ST6GALNAC3: variants seen among roughly 807,000 people sequenced by gnomAD.
ST6GALNAC3 encodes ST6 N-acetylgalactosaminide alpha-2,6-sialyltransferase 3.
In ST6GALNAC3, 25 loss-of-function variants were observed where a neutral mutation model predicts 32.7. That is an observed-to-expected ratio of 0.76 (90% CI 0.56 to 1.07). The LOEUF is 1.07. Ranked by LOEUF, ST6GALNAC3 falls within the 50% of genes least tolerant of loss-of-function variation. The pLI, the probability that ST6GALNAC3 is intolerant of heterozygous loss-of-function variation, is 0.00. For synonymous variants in ST6GALNAC3, 129 were observed against 133.1 expected (o/e 0.97, Z 0.21); for missense variants, 355 against 382.4 (o/e 0.93, Z 0.60).
chr1:76,570,959 G>T (rs1391746562), intron 3 of ST6GALNAC3, among the ~76,000 whole-genome samples: 1 of 151,952 alleles, frequency 6.6e-6, no homozygotes, highest in Non-Finnish European at 1.5e-5. Context: ...CTCTACTTCA[G>T]TACCCTTTTA....
intron 1 of ST6GALNAC3, among the ~76,000 whole-genome samples, chr1:76,237,591 A>C (rs1656729687): frequency 6.6e-6 from 1 of 152,204 alleles, no homozygotes; most frequent in African/African-American, 2.4e-5. Flanking sequence ...TAGTCTAAAA[A>C]TTTGTAAGGT....
At chr1:76,186,545 G>C (rs1391990831) in intron 1 of ST6GALNAC3, among the ~76,000 whole-genome samples, 1 of 152,128 alleles carries the variant, frequency 6.6e-6, no homozygotes, top group Non-Finnish European at 1.5e-5. Flanking sequence ...TGGAGAGCTA[G>C]GGAGTAGTAG....
At chr1:76,204,629 T>C (rs943712963) in intron 1 of ST6GALNAC3, among the ~76,000 whole-genome samples, 5 of 152,202 alleles carry the variant, frequency 3.3e-5, no homozygotes, top group East Asian at 1.9e-4. Context: ...ATTCTGTATA[T>C]TCCTATTGCA....
At chr1:76,147,737 G>A (rs140952920) in intron 1 of ST6GALNAC3, among the ~76,000 whole-genome samples, 509 of 152,262 alleles carry the variant, frequency 3.3e-3, no homozygotes, top group Middle Eastern at 0.014. Context: ...CAATACAGGC[G>A]GAATGAATGA....
chr1:76,524,601 G>T (rs1034683438), intron 3 of ST6GALNAC3, among the ~76,000 whole-genome samples: 1 of 151,922 alleles, frequency 6.6e-6, no homozygotes, highest in Non-Finnish European at 1.5e-5. Flanking sequence ...ATAGATAACT[G>T]CATGAAGTTC....
chr1:76,460,847 A>T (rs556164964), intron 3 of ST6GALNAC3, among the ~76,000 whole-genome samples: 122 of 152,164 alleles, frequency 8.0e-4, no homozygotes, highest in Non-Finnish European at 1.5e-3. Flanking sequence ...TTAGCCTTAT[A>T]ACATGGAGGA....
intron 1 of ST6GALNAC3, among the ~76,000 whole-genome samples, chr1:76,222,701 C>T (rs1184275563): frequency 6.6e-6 from 1 of 151,966 alleles, no homozygotes; most frequent in Non-Finnish European, 1.5e-5. Context: ...AAATAATTTA[C>T]AAGCAAAAAG....
At chr1:76,438,528 T>C (rs554372439) in intron 3 of ST6GALNAC3, among the ~76,000 whole-genome samples, 81 of 152,378 alleles carry the variant, frequency 5.3e-4, no homozygotes, top group African/African-American at 1.6e-3. Context: ...ATCTGTAGGT[T>C]CTGCCTTTCT....
chr1:76,407,429 C>T (rs568182864), intron 2 of ST6GALNAC3, among the ~76,000 whole-genome samples: 70 of 151,960 alleles, frequency 4.6e-4, no homozygotes, highest in South Asian at 8.3e-4. Context: ...AAAAAATAGC[C>T]AAAACAAATA....
At chr1:76,618,079 T>A (rs1233292634) in intron 3 of ST6GALNAC3, among the ~76,000 whole-genome samples, 1 of 152,208 alleles carries the variant, frequency 6.6e-6, no homozygotes, top group African/African-American at 2.4e-5. Context: ...TTCTCTAAAA[T>A]GAACTATGTT....
intron 1 of ST6GALNAC3, among the ~76,000 whole-genome samples, chr1:76,138,750 CA>C (rs1650107106): frequency 6.6e-6 from 1 of 152,044 alleles, no homozygotes; most frequent in Non-Finnish European, 1.5e-5. Flanking sequence ...TTACATTTAC[CA>C]AACAATGCAA....
At chr1:76,469,181 G>C (rs973536236) in intron 3 of ST6GALNAC3, among the ~76,000 whole-genome samples, 1 of 152,036 alleles carries the variant, frequency 6.6e-6, no homozygotes, top group African/African-American at 2.4e-5. Context: ...TCTAACACAA[G>C]ACTGTTGTTG....
intron 3 of ST6GALNAC3, among the ~76,000 whole-genome samples, chr1:76,573,805 C>T (rs569927733): frequency 5.7e-4 from 86 of 152,116 alleles, no homozygotes; most frequent in African/African-American, 1.9e-3. Flanking sequence ...TTTTTATCCT[C>T]TGGCCTTGTA....
chr1:76,470,830 G>A (rs1050444940), intron 3 of ST6GALNAC3, among the ~76,000 whole-genome samples: 9 of 152,058 alleles, frequency 5.9e-5, no homozygotes, highest in South Asian at 4.1e-4. Context: ...AGCACAGGGC[G>A]GGAATTCTTA....
intron 2 of ST6GALNAC3, among the ~76,000 whole-genome samples, chr1:76,368,906 T>G (rs1650596605): frequency 6.6e-6 from 1 of 152,170 alleles, no homozygotes; most frequent in Non-Finnish European, 1.5e-5. Flanking sequence ...ACTAACAACT[T>G]GGTCCACACC....
chr1:76,607,460 G>C (rs1054595647), intron 3 of ST6GALNAC3, among the ~76,000 whole-genome samples: 9 of 152,126 alleles, frequency 5.9e-5, no homozygotes, highest in African/African-American at 2.2e-4. Flanking sequence ...CTGGCAACTA[G>C]CCCTATCCTG....
intron 3 of ST6GALNAC3, among the ~76,000 whole-genome samples, chr1:76,456,160 A>C (rs1657770982): frequency 6.6e-6 from 1 of 152,196 alleles, no homozygotes; most frequent in African/African-American, 2.4e-5. Flanking sequence ...CGACAGAGTG[A>C]AACTCTGTCC....
intron 2 of ST6GALNAC3, among the ~76,000 whole-genome samples, chr1:76,383,792 A>C (rs1651897572): frequency 6.6e-6 from 1 of 152,224 alleles, no homozygotes; most frequent in African/African-American, 2.4e-5. Context: ...AAAATGTTGT[A>C]AGGCTCTTGC....
chr1:76,467,696 T>C (rs1571325432), intron 3 of ST6GALNAC3, among the ~76,000 whole-genome samples: 1 of 152,022 alleles, frequency 6.6e-6, no homozygotes, highest in Admixed American at 6.6e-5. Context: ...TCTCTATTCC[T>C]GTCCATATTC....
Sources: gnomAD v4.1 joint callset for allele counts (sites outside exome capture counted in the v4.1 genomes callset) on GRCh38, gnomAD v4.1.1 for gene constraint, MANE v1.5 for transcripts, NCBI Gene and HGNC (gene_info 2026-07-23, HGNC 2026-07-21) for gene names.